The following SCN3A variants were observed in gnomAD, a reference collection of about 807,000 sequenced individuals.
SCN3A encodes sodium voltage-gated channel alpha subunit 3.
A neutral mutation model predicts 187.6 loss-of-function variants in SCN3A; 60 were observed. The observed-to-expected ratio is 0.32, with a 90% CI of 0.26 to 0.40. The LOEUF (loss-of-function observed/expected upper bound fraction) is 0.40, where lower values mean the gene tolerates loss of function less well. Ranked by LOEUF, SCN3A falls within the 10% of genes least tolerant of loss-of-function variation. SCN3A has a pLI of 1.00. For synonymous variants in SCN3A, 788 were observed against 829.2 expected (o/e 0.95, Z 0.85); for missense variants, 1,601 against 2,428.2 (o/e 0.66, Z 7.16).
chr2:165,115,875 G>A (rs1001952122), intron 18 of SCN3A, among the ~76,000 whole-genome samples: 9 of 152,136 alleles, frequency 5.9e-5, no homozygotes, highest in Admixed American at 2.6e-4. Context: ...AATGCCATAT[G>A]AATATAACTT....
intron 12 of SCN3A, among the ~76,000 whole-genome samples, chr2:165,141,509 A>T (rs1256811847): frequency 1.3e-5 from 2 of 152,184 alleles, no homozygotes; most frequent in Non-Finnish European, 2.9e-5. Context: ...TTACTTTTTT[A>T]AAAAACTACT....
rs1228259573 is a variant in SCN3A, at chr2:165,092,582, A to T, written c.4537-58T>A. 1 of 1,525,502 alleles carries T rather than the reference A, an allele frequency of 6.6e-7. No individual in the cohort carries two copies. Among genetic ancestry groups the T allele is most frequent in the Non-Finnish European group, 9.1e-7 (1 of 1,103,108 alleles). 94.5% of individuals were successfully genotyped at this position (1,525,502 alleles called of 1,614,324 possible). The stretch of plus-strand genomic sequence containing the variant: ...ATATATATTTCATAAAGAATAATGC[A>T]GTAAAATTGTAGATAAAGCCCTTCC... On this transcript the variant is annotated intron_variant, in intron 26 of 27. Coordinates refer to ENST00000283254, the MANE Select transcript of SCN3A (RefSeq NM_006922.4). This position sits in a 1 kb window ranked among gnomAD's most constrained non-coding sequence, Gnocchi z 4.2.
intron 11 of SCN3A, among the ~76,000 whole-genome samples, chr2:165,153,305 A>G (rs1688806331): frequency 1.3e-5 from 2 of 152,188 alleles, no homozygotes; most frequent in South Asian, 4.1e-4. Flanking sequence ...AAAATGGGTT[A>G]TTTACCTAAA....
At chr2:165,120,885 G>A (rs1481442551) in intron 18 of SCN3A, among the ~76,000 whole-genome samples, 1 of 149,572 alleles carries the variant, frequency 6.7e-6, no homozygotes, top group Admixed American at 6.7e-5. Flanking sequence ...TATATTAAAT[G>A]TACAACATCC....
intron 12 of SCN3A, among the ~76,000 whole-genome samples, chr2:165,144,745 A>T (rs1688218385): frequency 6.6e-6 from 1 of 151,752 alleles, no homozygotes. Context: ...TCTATAACTT[A>T]TTTATTTTAT....
Position 165,162,352 on chromosome 2 carries a change from A to G in SCN3A, c.987T>C (p.Asp329=), listed in dbSNP as rs778350284. Residue 329 remains aspartate (D), a synonymous_variant, in exon 9 of 28, where the codon GAT becomes GAC. Transcript: ENST00000283254. ...IGDDSHFYVL[D]GQKDPLLCGN... is the part of the protein sequence containing the mutation. Reference sequence around the variant, plus strand: ...CACAGAGTAAAGGGTCTTTTTGCCCATCCAAAACATAAAAGTGACCTGTTA... The same window carrying G: ...CACAGAGTAAAGGGTCTTTTTGCCCGTCCAAAACATAAAAGTGACCTGTTA... 1 of 1,613,512 alleles carries G rather than the reference A, an allele frequency of 6.2e-7. No homozygotes were observed. The highest frequency in any genetic ancestry group is 1.1e-5 in the South Asian group (1 of 91,010).
chr2:165,132,478 G>A (rs571827195), intron 15 of SCN3A, among the ~76,000 whole-genome samples: 17 of 152,158 alleles, frequency 1.1e-4, no homozygotes, highest in South Asian at 2.1e-4. Context: ...ATAATGCCAC[G>A]TATCTACAAC....
intron 18 of SCN3A, among the ~76,000 whole-genome samples, chr2:165,118,360 T>C (rs1686476388): frequency 6.6e-6 from 1 of 152,216 alleles, no homozygotes; most frequent in Admixed American, 6.5e-5. Context: ...ATTTTCTGAT[T>C]ATAAAGATAA....
chr2:165,089,992 CAG>C lies in SCN3A; in HGVS notation c.*156_*157del, dbSNP rs1213156082. ...ACCCTGCTTCACAGAGTTGCAGTGA[CAG>C]AGAGGTCACTTCACTGTCTTGTATA... On this transcript the variant is annotated 3_prime_UTR_variant, in exon 28 of 28. Transcript: ENST00000283254. 1 of 972,626 alleles carries C rather than the reference CAG, an allele frequency of 1.0e-6. No homozygotes were observed. Among genetic ancestry groups the C allele is most frequent in the African/African-American group, 1.6e-5 (1 of 60,680 alleles). The allele number at this position is 972,626 out of a possible 1,614,324, so 60.2% of individuals were successfully genotyped here. A position where few individuals can be genotyped will look rare whatever the true frequency, so the allele number is the denominator to read the frequency against.
intron 15 of SCN3A, among the ~76,000 whole-genome samples, chr2:165,133,564 G>A (rs925781730): frequency 4.6e-5 from 7 of 150,916 alleles, no homozygotes; most frequent in African/African-American, 7.3e-5. Context: ...GGCCAGTTTC[G>A]AACTCCTGAC....
At chr2:165,179,828 A>T (rs1690722055) in intron 2 of SCN3A, 1 of 152,036 alleles carries the variant, frequency 6.6e-6, no homozygotes, top group African/African-American at 2.4e-5. Context: ...GTTCTCTTTT[A>T]CTTTTTTCCT....
Position 165,100,538 on chromosome 2 carries a change from C to T in SCN3A, c.3844-114G>A, listed in dbSNP as rs187230466. The T allele has an allele frequency of 1.2e-5, 12 of 1,017,562 alleles. No homozygotes were observed. In the Admixed American group the frequency reaches 2.5e-4, roughly 21 times the overall value. 63.0% of individuals were successfully genotyped at this position (1,017,562 alleles called of 1,614,324 possible). ...AAATACTAATTTGGACATACCTTGG[C>T]AACTTTCATCTTCCACATAGTGGGG... is the stretch of plus-strand genomic sequence containing the variant. On this transcript the variant is annotated intron_variant, in intron 21 of 27. Transcript: ENST00000283254.
intron 15 of SCN3A, among the ~76,000 whole-genome samples, chr2:165,135,114 G>A (rs1455660372): frequency 6.6e-6 from 1 of 151,974 alleles, no homozygotes; most frequent in East Asian, 1.9e-4. Flanking sequence ...GCATTGTCAG[G>A]TAAGTTGGAA....
Position 165,090,539 on chromosome 2 carries a change from T to C in SCN3A, c.5614A>G (p.Ile1872Val), listed in dbSNP as rs767038374. ...GCCATAAACCTGTCTTCCATCTGTA[T>C]TCGAAGGGCATCCATCTCTCCACTC... ...GESGEMDALR[I>V]QMEDRFMASN... Residue 1872 changes from isoleucine to valine, a missense_variant, in exon 28 of 28, where the codon ATA (isoleucine) becomes GTA (valine). This residue lies in a region of SCN3A where 110 missense variants were observed against 175.9 expected (regional missense o/e 0.63). Transcript: ENST00000283254. This position sits in a 1 kb window ranked among gnomAD's most constrained non-coding sequence, Gnocchi z 4.0. The C allele has an allele frequency of 6.2e-7, 1 of 1,613,904 alleles. No individual in the cohort carries two copies. The highest frequency in any genetic ancestry group is 8.5e-7 in the Non-Finnish European group (1 of 1,179,990).
chr2:165,152,313 T>C (rs1052374567), intron 11 of SCN3A, among the ~76,000 whole-genome samples: 8 of 152,156 alleles, frequency 5.3e-5, no homozygotes, highest in African/African-American at 1.7e-4. Flanking sequence ...ATTAGAGATA[T>C]ATGAAATATA....
chr2:165,101,077 C>T (rs1349353610), intron 21 of SCN3A, among the ~76,000 whole-genome samples: 1 of 152,138 alleles, frequency 6.6e-6, no homozygotes, highest in Non-Finnish European at 1.5e-5. Context: ...CTTCCTGATA[C>T]AGGCTGAGCA....
At chr2:165,127,143 C>G (rs998751595) in intron 18 of SCN3A, among the ~76,000 whole-genome samples, 4 of 152,164 alleles carry the variant, frequency 2.6e-5, no homozygotes, top group Non-Finnish European at 5.9e-5. Flanking sequence ...ACTGCAGCCT[C>G]TACCTACTGG....
Position 165,203,914 on chromosome 2 carries a change from G to GC in SCN3A, c.-340dup, listed in dbSNP as rs1383949501. 4 of 116,548 alleles carry GC rather than the reference G, an allele frequency of 3.4e-5. No individual in the cohort carries two copies. The highest frequency in any genetic ancestry group is 1.5e-4 in the African/African-American group (4 of 27,244). The allele number at this position is 116,548 out of a possible 1,614,324, so 7.2% of individuals were successfully genotyped here. ...ACGTGTCTTCCTCTGCAGCTGTTCAGCTTTTTTTTTTTTTTTTTTTTTTGA... is the reference window on the plus strand; with the variant it reads ...ACGTGTCTTCCTCTGCAGCTGTTCAGCCTTTTTTTTTTTTTTTTTTTTTTGA... On this transcript the variant is annotated 5_prime_UTR_variant, in exon 1 of 28. Coordinates refer to ENST00000283254, the MANE Select transcript of SCN3A (RefSeq NM_006922.4).
At position 165,089,183 on chromosome 2, in the gene SCN3A, A is replaced by T. The variant is rs1362839887; in HGVS notation, c.*967T>A. Reference sequence around the variant, plus strand: ...TTTGATTTAATAGAAGTTGTTTATCAGGCTATATATATATTTGCCCAAACA... The same window carrying T: ...TTTGATTTAATAGAAGTTGTTTATCTGGCTATATATATATTTGCCCAAACA... On this transcript the variant is annotated 3_prime_UTR_variant, in exon 28 of 28. Transcript: ENST00000283254. The T allele has an allele frequency of 6.6e-6, 1 of 152,632 alleles. No individual in the cohort carries two copies. The highest frequency in any genetic ancestry group is 1.5e-5 in the Non-Finnish European group (1 of 68,018). The allele number at this position is 152,632 out of a possible 1,614,324, so 9.5% of individuals were successfully genotyped here. A position where few individuals can be genotyped will look rare whatever the true frequency, so the allele number is the denominator to read the frequency against.
Sources: gnomAD v4.1 joint callset for allele counts (sites outside exome capture counted in the v4.1 genomes callset) on GRCh38, gnomAD v4.1.1 for gene constraint, gnomAD v4.1.1 regional missense constraint, Gnocchi (gnomAD v3.1) non-coding constraint, MANE v1.5 for transcripts, NCBI Gene and HGNC (gene_info 2026-07-23, HGNC 2026-07-21) for gene names.